Variants in PTPN1 observed in about 807,000 individuals in gnomAD.
PTPN1 encodes tyrosine-protein phosphatase non-receptor type 1.
Under a neutral mutation model 59.9 loss-of-function variants are expected in PTPN1, and 12 were observed. The observed-to-expected ratio is 0.20, with a 90% CI of 0.13 to 0.32. The LOEUF is 0.32. Among genes scored for constraint, PTPN1 ranks in the 10% least tolerant of loss-of-function variants. The pLI is 1.00. For synonymous variants in PTPN1, 178 were observed against 203.6 expected, an observed-to-expected ratio of 0.87 and a Z score of 1.07; for missense variants, 356 against 549.2, an observed-to-expected ratio of 0.65 and a Z score of 3.52.
Position 50,510,437 on chromosome 20 carries a change from G to C in PTPN1, c.-91G>C. 1 of 1,402,534 alleles carries C rather than the reference G, an allele frequency of 7.1e-7. No homozygotes were observed. The highest frequency in any genetic ancestry group is 9.7e-7 in the Non-Finnish European group (1 of 1,032,590). The allele number at this position is 1,402,534 out of a possible 1,614,324, so 86.9% of individuals were successfully genotyped here. A position where few individuals can be genotyped will look rare whatever the true frequency, so the allele number is the denominator to read the frequency against. On this transcript the variant is annotated 5_prime_UTR_variant, in exon 1 of 10. Transcript: ENST00000371621. Reference sequence around the variant, plus strand: ...GTAGCTGCAGGGGTCGGGGATTGCAGCGGGCCTCGGGGCTAAGAGCGCGAC... The same window carrying C: ...GTAGCTGCAGGGGTCGGGGATTGCACCGGGCCTCGGGGCTAAGAGCGCGAC...
intron 1 of PTPN1, among the ~76,000 whole-genome samples, chr20:50,527,123 G>T (rs573029720): frequency 6.6e-6 from 1 of 152,266 alleles, no homozygotes; most frequent in African/African-American, 2.4e-5. Flanking sequence ...TGACTCTCGA[G>T]GAATGGATCC....
chr20:50,532,384 A>G (rs2082605341), intron 1 of PTPN1, among the ~76,000 whole-genome samples: 1 of 152,268 alleles, frequency 6.6e-6, no homozygotes, highest in South Asian at 2.1e-4. Context: ...TGTTGCTCAG[A>G]TGGACTTTTT....
chr20:50,524,567 G>GTTT (rs1386022104), intron 1 of PTPN1, among the ~76,000 whole-genome samples: 1 of 64,114 alleles, frequency 1.6e-5, no homozygotes, highest in Non-Finnish European at 3.1e-5. Context: ...CCATTATGTG[G>GTTT]TCTTTTTTTT....
chr20:50,548,965 G>A (rs1345170748), intron 1 of PTPN1, among the ~76,000 whole-genome samples: 4 of 152,154 alleles, frequency 2.6e-5, no homozygotes, highest in South Asian at 4.1e-4. Context: ...TGATCCGCCC[G>A]CCTTGGCCTC....
At chr20:50,579,366 T>G in intron 7 of PTPN1, 37 bp downstream of exon 7, 2 of 1,586,280 alleles carry the variant, frequency 1.3e-6, no homozygotes, top group South Asian at 2.3e-5. Flanking sequence ...GGTGTGACCA[T>G]TTTAACTTTT....
intron 2 of PTPN1, 145 bp downstream of exon 2, chr20:50,561,598 C>T: frequency 1.9e-6 from 1 of 520,314 alleles, no homozygotes; most frequent in Non-Finnish European, 3.3e-6. Flanking sequence ...ATAGTAAAGG[C>T]ATTAGAGACT....
chr20:50,571,480 A>G (rs1263916216), intron 4 of PTPN1: 1 of 152,262 alleles, frequency 6.6e-6, no homozygotes, highest in African/African-American at 2.4e-5. Flanking sequence ...GAGAAGTTAC[A>G]GTATCTTATT....
chr20:50,552,299 T>C (rs2082705204), intron 1 of PTPN1, among the ~76,000 whole-genome samples: 1 of 152,242 alleles, frequency 6.6e-6, no homozygotes, highest in African/African-American at 2.4e-5. Context: ...GTGTGTGTTT[T>C]CCATATACCA....
rs2082751729 is a variant in PTPN1, at chr20:50,561,363, G to A, written c.64G>A (p.Asp22Asn). Residue 22 changes from aspartate (D) to asparagine (N), a missense_variant and splice_region_variant, in exon 2 of 10, where the codon GAT becomes AAT. Physicochemically the swap from Asp to Asn is conservative, Grantham distance 23 (BLOSUM62 1). Transcript: ENST00000371621. ...KSGSWAAIYQ[D>N]IRHEASDFPC... ...TAAATGTCTTTATTCTTTTTTGTAG[G>A]ATATCCGACATGAAGCCAGTGACTT... is the stretch of plus-strand genomic sequence containing the variant. The A allele has an allele frequency of 8.1e-6, 13 of 1,602,018 alleles. No homozygotes were observed. The highest frequency in any genetic ancestry group is 1.1e-5 in the Non-Finnish European group (13 of 1,174,786).
At position 50,514,838 on chromosome 20, in the gene PTPN1, T is replaced by C. The variant is rs114458496; in HGVS notation, c.63+4248T>C. On this transcript the variant is annotated intron_variant, in intron 1 of 9. Coordinates refer to ENST00000371621, the MANE Select transcript of PTPN1 (RefSeq NM_002827.4). ...GCTGGGTCATTGTTCCCAGATGATG[T>C]AGTTTGGCACCAGCCATTCCATGTT... 6.8e-3 allele frequency among the ~76,000 whole-genome samples: 1,037 copies of C among 152,336 alleles called. 9 individuals are homozygous for C. Among genetic ancestry groups the C allele is most frequent in the African/African-American group, 0.024 (998 of 41,560 alleles).
chr20:50,568,589 G>A lies in PTPN1; in HGVS notation c.354+111G>A, dbSNP rs1037152776. On this transcript the variant is annotated intron_variant, in intron 4 of 9. Transcript: ENST00000371621. The surrounding 1 kb of genome is among the most constrained non-coding windows in gnomAD (Gnocchi z 5.6). ...TTTCTTGCCTTTGTATTTCCTTTAC[G>A]TAGTATTTTTATTTAAAAAAATTAA... is the stretch of plus-strand genomic sequence containing the variant. 1.2e-5 allele frequency: 10 copies of A among 844,410 alleles called. No individual in the cohort carries two copies. The highest frequency in any genetic ancestry group is 3.2e-5 in the South Asian group (2 of 62,058). The allele number at this position is 844,410 out of a possible 1,614,324, so 52.3% of individuals were successfully genotyped here. A position where few individuals can be genotyped will look rare whatever the true frequency, so the allele number is the denominator to read the frequency against.
chr20:50,561,834 C>T (rs534563172), intron 2 of PTPN1, among the ~76,000 whole-genome samples: 10 of 152,302 alleles, frequency 6.6e-5, no homozygotes, highest in South Asian at 4.1e-4. Flanking sequence ...AATGAAGCCC[C>T]GCACAGGCAT....
In PTPN1 at chr20:50,579,929, A is replaced by G; in HGVS notation, c.1088+3A>G. On this transcript the variant is annotated splice_donor_region_variant and intron_variant, in intron 8 of 9. Transcript: ENST00000371621. Reference sequence around the variant, plus strand: ...GCCGCACCCTACGGCATCGAAAGGTAATATGATTGGGTCCCAGCTTGTTGG... The same window carrying G: ...GCCGCACCCTACGGCATCGAAAGGTGATATGATTGGGTCCCAGCTTGTTGG... 1.9e-6 allele frequency: 3 copies of G among 1,612,288 alleles called. No homozygotes were observed. Among genetic ancestry groups the G allele is most frequent in the Non-Finnish European group, 2.5e-6 (3 of 1,178,706 alleles).
intron 1 of PTPN1, among the ~76,000 whole-genome samples, chr20:50,526,051 A>G (rs2082573777): frequency 6.6e-6 from 1 of 152,082 alleles, no homozygotes; most frequent in Non-Finnish European, 1.5e-5. Context: ...AGGAGAGTGA[A>G]AATGCCTGAG....
At chr20:50,565,899 T>C (rs1435286098) in intron 3 of PTPN1, among the ~76,000 whole-genome samples, 2 of 152,244 alleles carry the variant, frequency 1.3e-5, no homozygotes, top group Non-Finnish European at 2.9e-5. Context: ...GACAGAATGC[T>C]CTATGAAGAA....
intron 4 of PTPN1, chr20:50,571,955 A>G (rs1466724361): frequency 6.6e-6 from 1 of 152,222 alleles, no homozygotes; most frequent in African/African-American, 2.4e-5. Context: ...CAGGGTCCAT[A>G]TAATTCATTT....
intron 1 of PTPN1, 78 bp downstream of exon 1, chr20:50,510,668 C>A: frequency 6.9e-7 from 1 of 1,441,494 alleles, no homozygotes; most frequent in East Asian, 2.6e-5. Context: ...AGGCCCCAGA[C>A]TCCCTCTGGG....
intron 5 of PTPN1, among the ~76,000 whole-genome samples, chr20:50,576,336 G>C (rs561047236): frequency 6.6e-6 from 1 of 152,196 alleles, no homozygotes; most frequent in Non-Finnish European, 1.5e-5. Flanking sequence ...CTTTTTGCTT[G>C]GCAGAGTGAA....
intron 1 of PTPN1, among the ~76,000 whole-genome samples, chr20:50,544,970 C>T (rs184932014): frequency 1.1e-4 from 16 of 152,254 alleles, no homozygotes; most frequent in Non-Finnish European, 2.9e-5. Flanking sequence ...TGCACCACTG[C>T]ACTCCAGCCT....
Sources: allele counts gnomAD v4.1 joint callset (sites outside exome capture counted in the v4.1 genomes callset), GRCh38; gene constraint gnomAD v4.1.1; non-coding constraint Gnocchi (gnomAD v3.1); transcripts MANE v1.5; gene names NCBI Gene and HGNC (gene_info 2026-07-23, HGNC 2026-07-21).